The following PRDM10 variants were observed in gnomAD, a reference collection of about 807,000 sequenced individuals.
PRDM10 encodes the protein PR domain zinc finger protein 10.
PRDM10 carries 65 observed loss-of-function variants against 133.1 expected under a neutral mutation model. The ratio of observed to expected loss-of-function variants is 0.49; its 90% CI spans 0.40 to 0.60. The LOEUF is 0.60. PRDM10 is among the 20% of genes least tolerant of loss of function. The pLI, the probability that PRDM10 is intolerant of heterozygous loss-of-function variation, is 0.00. For synonymous variants in PRDM10, 582 were observed against 580.4 expected (o/e 1.00, Z -0.04); for missense variants, 1,137 against 1,507.1 (o/e 0.75, Z 4.07).
At chr11:129,938,940 T>TC (rs1951120689) in intron 7 of PRDM10, among the ~76,000 whole-genome samples, 2 of 152,168 alleles carry the variant, frequency 1.3e-5, no homozygotes, top group South Asian at 4.1e-4. Context: ...CCATCCCAAG[T>TC]CTTCAGCCCT....
intron 6 of PRDM10, among the ~76,000 whole-genome samples, chr11:129,944,014 A>G (rs113213011): frequency 0.015 from 2,298 of 152,150 alleles, 29 homozygotes; most frequent in Non-Finnish European, 0.023. Context: ...AATAAAATAC[A>G]AACATTATAA....
intron 19 of PRDM10, among the ~76,000 whole-genome samples, chr11:129,908,127 GTCATT>G (rs974576235): frequency 9.2e-5 from 14 of 151,892 alleles, no homozygotes; most frequent in African/African-American, 1.2e-4. Flanking sequence ...AAAAATTACT[GTCATT>G]TCTTCTTAGG....
intron 17 of PRDM10, 132 bp from the exon 18 acceptor site, chr11:129,912,357 C>A: frequency 2.9e-6 from 3 of 1,042,772 alleles, no homozygotes; most frequent in Non-Finnish European, 3.8e-6. Flanking sequence ...ATAAACCCAG[C>A]AGTTTGGGAG....
At chr11:129,996,338 G>A (rs1225703563) in intron 1 of PRDM10, among the ~76,000 whole-genome samples, 2 of 152,228 alleles carry the variant, frequency 1.3e-5, no homozygotes, top group Admixed American at 6.5e-5. Flanking sequence ...GCCACAGCCC[G>A]CAGGCGGCAG....
intron 1 of PRDM10, among the ~76,000 whole-genome samples, chr11:129,996,892 G>C (rs186210176): frequency 3.4e-4 from 52 of 152,306 alleles, no homozygotes; most frequent in African/African-American, 1.2e-3. Flanking sequence ...GTTGATTACT[G>C]TTATTATCCC....
chr11:129,976,313 T>G (rs999412547), intron 1 of PRDM10, among the ~76,000 whole-genome samples: 34 of 152,232 alleles, frequency 2.2e-4, no homozygotes, highest in Admixed American at 1.8e-3. Flanking sequence ...GAACCCACCA[T>G]CAAGCAAAGG....
rs560279059 is a variant in PRDM10 at position 129,952,771 on chromosome 11, G to A, written c.294+2741C>T. ...TGGGCTCAAGTGGTCCTCCTGTCTC[G>A]GGGATCCCAAAGTGCTGGGATTATA... On this transcript the variant is annotated intron_variant, in intron 4 of 20. Transcript: ENST00000360871. Among the ~76,000 whole-genome samples, 16 of 151,898 alleles carry A rather than the reference G, an allele frequency of 1.1e-4. No homozygotes were observed. In the East Asian group the frequency reaches 1.9e-3, roughly 18 times the overall value.
At chr11:129,939,072 A>T (rs1469608475) in intron 7 of PRDM10, among the ~76,000 whole-genome samples, 1 of 152,028 alleles carries the variant, frequency 6.6e-6, no homozygotes, top group East Asian at 1.9e-4. Context: ...GCCTTCCCCA[A>T]CCATCACATC....
chr11:130,000,180 A>G (rs190651782), intron 1 of PRDM10, among the ~76,000 whole-genome samples: 31 of 151,288 alleles, frequency 2.0e-4, no homozygotes, highest in African/African-American at 7.3e-4. Flanking sequence ...AGTAGTTGGG[A>G]TTACAGGCGC....
At chr11:129,988,708 C>A (rs1009295994) in intron 1 of PRDM10, among the ~76,000 whole-genome samples, 7 of 152,026 alleles carry the variant, frequency 4.6e-5, no homozygotes, top group African/African-American at 9.7e-5. Context: ...CGGCTCACTG[C>A]AAGCTCTGCC....
rs529983281 is a variant in PRDM10 at position 129,950,305 on chromosome 11, G to A, written c.295-2935C>T. 6.6e-5 allele frequency among the ~76,000 whole-genome samples: 10 copies of A among 152,324 alleles called. No individual in the cohort carries two copies. The South Asian group carries it at 2.1e-3, about 32-fold the overall frequency. Reference sequence around the variant, plus strand: ...ATTGAGGGCCTGACCTGCAACGGCTGTGTAAGAGCGTTACCCAACATTTGA... The same window carrying A: ...ATTGAGGGCCTGACCTGCAACGGCTATGTAAGAGCGTTACCCAACATTTGA... On this transcript the variant is annotated intron_variant, in intron 4 of 20. Coordinates refer to ENST00000360871, the MANE Select transcript of PRDM10 (RefSeq NM_199437.2).
chr11:129,914,791 C>A lies in PRDM10; in HGVS notation c.2754G>T (p.Gln918His). 6.2e-7 allele frequency: 1 copy of A among 1,614,214 alleles called. No homozygotes were observed. The change falls in exon 17 of 21, where the codon CAG becomes CAT. Residue 918 changes from glutamine to histidine, a missense_variant. Physicochemically the swap from Gln to His is conservative, Grantham distance 24 (BLOSUM62 0). This residue lies in a region of PRDM10 where 113 missense variants were observed against 143.7 expected (regional missense o/e 0.79). Coordinates refer to ENST00000360871, the MANE Select transcript of PRDM10 (RefSeq NM_199437.2). ...GCGACACAGGGATGTACTGAATTCT[C>A]TGGTAATCCCCTTGTGGCGTTCGGT... ...TDYRTPQGDYQRIQYIPVSQS... is the reference protein window; with the variant it reads ...TDYRTPQGDYHRIQYIPVSQS...
intron 1 of PRDM10, among the ~76,000 whole-genome samples, chr11:129,988,014 G>T (rs376190776): frequency 8.2e-4 from 124 of 152,012 alleles, no homozygotes; most frequent in African/African-American, 2.9e-3. Flanking sequence ...AACAAAAAAG[G>T]AATGAAGAAC....
At chr11:129,935,287 G>A (rs955796551) in intron 8 of PRDM10, 69 bp from the exon 9 acceptor site, 125 of 1,108,160 alleles carry the variant, frequency 1.1e-4, no homozygotes, top group East Asian at 7.8e-4. Context: ...AAAAGTCTGC[G>A]ATCCCCACCA....
chr11:129,955,800 A>G (rs964210839), intron 3 of PRDM10, among the ~76,000 whole-genome samples: 1 of 152,248 alleles, frequency 6.6e-6, no homozygotes, highest in Admixed American at 6.5e-5. Flanking sequence ...CCCAATGGCT[A>G]ACATACTTCG....
At chr11:129,988,054 C>G (rs1391207581) in intron 1 of PRDM10, among the ~76,000 whole-genome samples, 2 of 152,016 alleles carry the variant, frequency 1.3e-5, no homozygotes, top group Non-Finnish European at 2.9e-5. Context: ...CATGGATGAA[C>G]CCTGAAAACA....
At chr11:129,925,537 A>C (rs966007904) in intron 11 of PRDM10, among the ~76,000 whole-genome samples, 1 of 152,238 alleles carries the variant, frequency 6.6e-6, no homozygotes, top group Non-Finnish European at 1.5e-5. Context: ...CTTGTATAAT[A>C]AAACAAATCC....
At chr11:129,916,605 A>G (rs937702736) in intron 15 of PRDM10, among the ~76,000 whole-genome samples, 1 of 152,230 alleles carries the variant, frequency 6.6e-6, no homozygotes, top group Non-Finnish European at 1.5e-5. Context: ...ACTGCACTCC[A>G]GCCTGTGTAA....
chr11:129,917,993 T>C (rs1414801810), intron 14 of PRDM10, among the ~76,000 whole-genome samples: 1 of 152,074 alleles, frequency 6.6e-6, no homozygotes, highest in Non-Finnish European at 1.5e-5. Flanking sequence ...TAGCCAGGCA[T>C]GGTGGTGGGC....
Sources: gnomAD v4.1 joint callset for allele counts (sites outside exome capture counted in the v4.1 genomes callset) on GRCh38, gnomAD v4.1.1 for gene constraint, gnomAD v4.1.1 regional missense constraint, MANE v1.5 for transcripts, NCBI Gene and HGNC (gene_info 2026-07-23, HGNC 2026-07-21) for gene names.